MICU3: variants seen among roughly 807,000 people sequenced by gnomAD.
MICU3 encodes the protein mitochondrial calcium uptake 3.
A neutral mutation model predicts 66.5 loss-of-function variants in MICU3; 62 were observed. The ratio of observed to expected loss-of-function variants is 0.93; its 90% CI spans 0.76 to 1.15. The LOEUF is 1.15. Among genes scored for constraint, MICU3 ranks in the 50% most tolerant of loss-of-function variants. The probability of loss-of-function intolerance (pLI) is 0.00; values close to 1 mark genes in which losing one functional copy is unlikely to be tolerated. For synonymous variants in MICU3, 308 were observed against 240.7 expected (o/e 1.28, Z -2.59); for missense variants, 779 against 664.4 (o/e 1.17, Z -1.90).
At chr8:17,028,853 T>G (rs1029661504) in intron 1 of MICU3, among the ~76,000 whole-genome samples, 1 of 152,234 alleles carries the variant, frequency 6.6e-6, no homozygotes, top group African/African-American at 2.4e-5. Context: ...TTTTTCATGA[T>G]GGCAGAACTT....
chr8:17,125,746 C>G (rs991156790), downstream of MICU3, among the ~76,000 whole-genome samples: 5 of 152,026 alleles, frequency 3.3e-5, no homozygotes, highest in African/African-American at 9.7e-5. Flanking sequence ...TAACACCTCT[C>G]TGGTGGCCAG....
intron 1 of MICU3, among the ~76,000 whole-genome samples, chr8:17,042,120 T>C (rs1814238478): frequency 6.6e-6 from 1 of 152,114 alleles, no homozygotes; most frequent in Non-Finnish European, 1.5e-5. Flanking sequence ...TTCTAATTTA[T>C]AAGTTGTTGA....
At chr8:17,107,984 G>GC (rs1416278126) in intron 11 of MICU3, among the ~76,000 whole-genome samples, 5 of 152,172 alleles carry the variant, frequency 3.3e-5, no homozygotes, top group African/African-American at 9.7e-5. Flanking sequence ...GATAAGCATG[G>GC]CTTGGACCAG....
chr8:17,105,517 G>T lies in MICU3; in HGVS notation c.1190G>T (p.Arg397Leu), dbSNP rs374157850. 63 of 1,575,574 alleles carry T rather than the reference G, an allele frequency of 4.0e-5. No homozygotes were observed. The highest frequency in any genetic ancestry group is 5.2e-5 in the Non-Finnish European group (60 of 1,157,378). The change falls in exon 11 of 15, where the codon CGA becomes CTA. Residue 397 changes from arginine to leucine, a missense_variant. Coordinates refer to ENST00000318063, the MANE Select transcript of MICU3 (RefSeq NM_181723.3). ...SEEDFAHILL[R>L]YTNVENTSVF... ...GAAGATTTTGCTCATATTCTTTTACGATATACAAATGTGGAAAATACATCA... is the reference window on the plus strand; with the variant it reads ...GAAGATTTTGCTCATATTCTTTTACTATATACAAATGTGGAAAATACATCA...
At chr8:17,068,843 T>G (rs902780826) in intron 2 of MICU3, among the ~76,000 whole-genome samples, 1 of 152,168 alleles carries the variant, frequency 6.6e-6, no homozygotes, top group Non-Finnish European at 1.5e-5. Flanking sequence ...GTTGGCATTA[T>G]TGTAATGTAG....
downstream of MICU3, among the ~76,000 whole-genome samples, chr8:17,123,891 G>A (rs1803332973): frequency 6.8e-6 from 1 of 146,270 alleles, no homozygotes; most frequent in Non-Finnish European, 1.5e-5. Context: ...ATAGAACTAT[G>A]TTTTAGTTTT....
intron 14 of MICU3, among the ~76,000 whole-genome samples, chr8:17,119,548 G>GATAGATAA (rs1554541240): frequency 6.8e-5 from 10 of 147,326 alleles, no homozygotes; most frequent in African/African-American, 2.3e-4. Flanking sequence ...TAGATAGATA[G>GATAGATAA]ATAGATAGAT....
intron 11 of MICU3, among the ~76,000 whole-genome samples, chr8:17,111,976 GAA>G (rs1220185323): frequency 1.3e-5 from 2 of 152,162 alleles, no homozygotes; most frequent in Non-Finnish European, 2.9e-5. Context: ...CAGCAGGAGA[GAA>G]AGAGAGAACA....
chr8:17,112,410 T>C (rs1563394986), intron 11 of MICU3, among the ~76,000 whole-genome samples: 1 of 152,204 alleles, frequency 6.6e-6, no homozygotes, highest in Non-Finnish European at 1.5e-5. Flanking sequence ...GTGAGGATGG[T>C]AGAGTGAAGA....
At position 17,054,738 on chromosome 8, in the gene MICU3, C is replaced by CTTT. The variant is rs559605289; in HGVS notation, c.382-9329_382-9327dup. On this transcript the variant is annotated intron_variant, in intron 1 of 14. Coordinates refer to ENST00000318063, the MANE Select transcript of MICU3 (RefSeq NM_181723.3). ...GTTTTCTTTTTCTTTTTCTTTCTTT[C>CTTT]TTTTTTTTTTTTTTTTTTTGAGACA... Among the ~76,000 whole-genome samples the CTTT allele has an allele frequency of 1.3e-3, 160 of 122,724 alleles. 4 individuals carry two copies. Among genetic ancestry groups the CTTT allele is most frequent in the East Asian group, 7.0e-3 (27 of 3,878 alleles). 80.5% of individuals were successfully genotyped at this position (122,724 alleles called of 152,430 possible). A position where few individuals can be genotyped will look rare whatever the true frequency, so the allele number is the denominator to read the frequency against.
chr8:17,055,286 G>A (rs1273690411), intron 1 of MICU3, among the ~76,000 whole-genome samples: 1 of 152,176 alleles, frequency 6.6e-6, no homozygotes, highest in Middle Eastern at 3.2e-3. Context: ...TGATTTAGAA[G>A]TGTTACCTCC....
intron 14 of MICU3, 28 bp from the exon 15 acceptor site, chr8:17,120,260 C>T (rs1803101732): frequency 6.6e-6 from 1 of 151,566 alleles, no homozygotes; most frequent in African/African-American, 2.4e-5. Context: ...ATAAATATTG[C>T]TTTTGTGTTA....
intron 1 of MICU3, among the ~76,000 whole-genome samples, chr8:17,054,878 A>T (rs189873658): frequency 7.9e-5 from 12 of 151,396 alleles, no homozygotes; most frequent in Admixed American, 5.9e-4. Flanking sequence ...AGCTGGGATT[A>T]CAGGCGCCCG....
intron 9 of MICU3, among the ~76,000 whole-genome samples, chr8:17,101,528 T>C (rs1467650394): frequency 6.6e-6 from 1 of 151,892 alleles, no homozygotes; most frequent in Non-Finnish European, 1.5e-5. Flanking sequence ...ATTTTGATGC[T>C]GAAAGACTGT....
chr8:17,109,336 A>G (rs1585541265), intron 11 of MICU3, among the ~76,000 whole-genome samples: 2 of 152,240 alleles, frequency 1.3e-5, no homozygotes, highest in African/African-American at 4.8e-5. Flanking sequence ...AATTTTACCT[A>G]CAGATTTATT....
chr8:17,028,460 G>A (rs1219282559), intron 1 of MICU3, among the ~76,000 whole-genome samples: 4 of 152,198 alleles, frequency 2.6e-5, no homozygotes, highest in Admixed American at 6.5e-5. Flanking sequence ...TTTTTTTGTC[G>A]CATCAGTATA....
chr8:17,028,210 T>G (rs1811369255), intron 1 of MICU3, among the ~76,000 whole-genome samples: 1 of 152,096 alleles, frequency 6.6e-6, no homozygotes, highest in Admixed American at 6.6e-5. Context: ...TGAAAAGAAA[T>G]AAAAAATTGT....
chr8:17,075,415 G>C (rs1051787211), intron 3 of MICU3, among the ~76,000 whole-genome samples: 2 of 152,072 alleles, frequency 1.3e-5, no homozygotes, highest in African/African-American at 4.8e-5. Context: ...TTCCCCTCCT[G>C]AGTCATCTCC....
chr8:17,047,576 G>C (rs1164843350), intron 1 of MICU3, among the ~76,000 whole-genome samples: 1 of 152,212 alleles, frequency 6.6e-6, no homozygotes, highest in Non-Finnish European at 1.5e-5. Flanking sequence ...AAGATAAAGA[G>C]AGACAGGACA....
Sources: gnomAD v4.1 joint callset for allele counts (sites outside exome capture counted in the v4.1 genomes callset) on GRCh38, gnomAD v4.1.1 for gene constraint, MANE v1.5 for transcripts, NCBI Gene and HGNC (gene_info 2026-07-23, HGNC 2026-07-21) for gene names.